Variants in MYO9B observed in about 807,000 individuals in gnomAD.
MYO9B encodes the protein unconventional myosin-IXb.
A neutral mutation model predicts 229.5 loss-of-function variants in MYO9B; 71 were observed. That is an observed-to-expected ratio of 0.31 (90% CI 0.26 to 0.38). The LOEUF is 0.38. Among genes scored for constraint, MYO9B ranks in the 10% least tolerant of loss-of-function variants. The probability of loss-of-function intolerance (pLI) is 1.00; values close to 1 mark genes in which losing one functional copy is unlikely to be tolerated. For missense variants in MYO9B, 2,255 were observed against 2,920.5 expected (o/e 0.77, Z 5.25); for synonymous variants, 1,185 against 1,235.8 (o/e 0.96, Z 0.86).
rs554698257 is a variant in MYO9B, at chr19:17,211,713, G to C, written c.5997G>C (p.Ser1999=). The change falls in exon 39 of 40, where the codon TCG becomes TCC. Residue 1999 remains serine (S), a synonymous_variant. Coordinates refer to ENST00000682292, the MANE Select transcript of MYO9B (RefSeq NM_004145.4). ...PRGSDEENLD[S]ETSASTESLL... is the part of the protein sequence containing the mutation. ...GCTCGGACGAGGAGAACCTGGACTC[G>C]GAGACGTCGGCCAGCACCGAGAGCC... is the stretch of plus-strand genomic sequence containing the variant. 1 of 1,612,554 alleles carries C rather than the reference G, an allele frequency of 6.2e-7. No individual in the cohort carries two copies. The highest frequency in any genetic ancestry group is 8.5e-7 in the Non-Finnish European group (1 of 1,179,694).
chr19:17,115,842 C>T (rs2057897703), intron 2 of MYO9B, among the ~76,000 whole-genome samples: 1 of 151,876 alleles, frequency 6.6e-6, no homozygotes, highest in South Asian at 2.1e-4. Context: ...CATCCTAGAT[C>T]CAGACAGCCC....
chr19:17,131,029 C>G (rs1568265484), intron 2 of MYO9B, among the ~76,000 whole-genome samples: 1 of 152,172 alleles, frequency 6.6e-6, no homozygotes, highest in Non-Finnish European at 1.5e-5. Context: ...CAGGTACTAT[C>G]TGATCACCCT....
At chr19:17,109,450 C>G (rs575116606) in intron 2 of MYO9B, among the ~76,000 whole-genome samples, 2 of 152,292 alleles carry the variant, frequency 1.3e-5, no homozygotes, top group Middle Eastern at 3.4e-3. Flanking sequence ...CATCTCTAAT[C>G]CCTCACGGCA....
intron 1 of MYO9B, among the ~76,000 whole-genome samples, chr19:17,087,868 T>A (rs2057598182): frequency 6.7e-6 from 1 of 149,116 alleles, no homozygotes; most frequent in Non-Finnish European, 1.5e-5. Flanking sequence ...AGGCGGAGGT[T>A]GCAGTGAGCC....
chr19:17,103,254 C>G (rs11666568), intron 2 of MYO9B: 7,351 of 152,158 alleles, frequency 0.048, 206 homozygotes, highest in Middle Eastern at 0.092. Flanking sequence ...TGTTATTATT[C>G]AGGTACTGCG....
intron 16 of MYO9B, chr19:17,184,643 T>G (rs1384619899): frequency 2.0e-6 from 1 of 506,094 alleles, no homozygotes; most frequent in African/African-American, 1.9e-5. Flanking sequence ...AAAGAGGCTG[T>G]CATCAGCCCT....
chr19:17,129,725 C>G (rs1323305452), intron 2 of MYO9B, among the ~76,000 whole-genome samples: 1 of 152,202 alleles, frequency 6.6e-6, no homozygotes, highest in African/African-American at 2.4e-5. Flanking sequence ...GTATATGCCC[C>G]TAGTGGGCCA....
intron 1 of MYO9B, among the ~76,000 whole-genome samples, chr19:17,079,841 G>T (rs1214336497): frequency 6.6e-6 from 1 of 152,178 alleles, no homozygotes; most frequent in Admixed American, 6.5e-5. Context: ...GCCCCAGGCG[G>T]CCTCTCGGCA....
chr19:17,138,799 C>T (rs781329527), intron 2 of MYO9B, among the ~76,000 whole-genome samples: 1 of 152,162 alleles, frequency 6.6e-6, no homozygotes, highest in Non-Finnish European at 1.5e-5. Context: ...CTACACACTT[C>T]GGCTGTAGGT....
rs554698257 is a variant in MYO9B at position 17,211,713 on chromosome 19, G to T, written c.5997G>T (p.Ser1999=). The T allele has an allele frequency of 1.2e-6, 2 of 1,612,672 alleles. No individual in the cohort carries two copies. The highest frequency in any genetic ancestry group is 1.7e-5 in the Admixed American group (1 of 59,868). ...GCTCGGACGAGGAGAACCTGGACTCGGAGACGTCGGCCAGCACCGAGAGCC... is the reference window on the plus strand; with the variant it reads ...GCTCGGACGAGGAGAACCTGGACTCTGAGACGTCGGCCAGCACCGAGAGCC... ...PRGSDEENLD[S]ETSASTESLL... The change falls in exon 39 of 40, where the codon TCG becomes TCT. Residue 1999 remains serine, a synonymous_variant. Transcript: ENST00000682292.
In MYO9B at chr19:17,184,876, C is replaced by T. The variant is rs772286551; in HGVS notation, c.2385C>T (p.Asp795=). Residue 795 remains aspartate (D), a synonymous_variant, in exon 17 of 40, where the codon GAC becomes GAT. Coordinates refer to ENST00000682292, the MANE Select transcript of MYO9B (RefSeq NM_004145.4). ...QKQIIPKNLL[D]SKSLKLIISM... Reference sequence around the variant, plus strand: ...TGTGTCTGTCCTAGAACCTACTGGACTCCAAGTCCCTGAAACTCATCATCA... The same window carrying T: ...TGTGTCTGTCCTAGAACCTACTGGATTCCAAGTCCCTGAAACTCATCATCA... The T allele has an allele frequency of 5.6e-6, 9 of 1,613,898 alleles. No individual in the cohort carries two copies. Among genetic ancestry groups the T allele is most frequent in the South Asian group, 1.1e-5 (1 of 91,088 alleles).
intron 2 of MYO9B, chr19:17,103,321 TCC>T (rs1167443213): frequency 6.6e-6 from 1 of 152,066 alleles, no homozygotes; most frequent in Non-Finnish European, 1.5e-5. Flanking sequence ...TACTCACAGT[TCC>T]CGAAAGAAGA....
chr19:17,084,767 T>C (rs1357447109), intron 1 of MYO9B, among the ~76,000 whole-genome samples: 1 of 150,866 alleles, frequency 6.6e-6, no homozygotes, highest in Non-Finnish European at 1.5e-5. Flanking sequence ...TAGCCAGGTA[T>C]GGTGTGGTGC....
At chr19:17,152,090 G>A (rs983811867) in intron 3 of MYO9B, among the ~76,000 whole-genome samples, 1 of 152,034 alleles carries the variant, frequency 6.6e-6, no homozygotes, top group African/African-American at 2.4e-5. Flanking sequence ...AGGAGGCTGA[G>A]GCAGGAGAAT....
At chr19:17,079,388 G>A (rs1362127239) in intron 1 of MYO9B, among the ~76,000 whole-genome samples, 1 of 152,202 alleles carries the variant, frequency 6.6e-6, no homozygotes, top group African/African-American at 2.4e-5. Context: ...AGGGTGGACA[G>A]CGGGTGCCCT....
At chr19:17,133,048 A>G (rs981318858) in intron 2 of MYO9B, among the ~76,000 whole-genome samples, 9 of 151,654 alleles carry the variant, frequency 5.9e-5, no homozygotes, top group Non-Finnish European at 1.3e-4. Context: ...GGGTTTCACC[A>G]TGATAGCCAG....
intron 2 of MYO9B, among the ~76,000 whole-genome samples, chr19:17,121,463 A>ATATATATATATATATATATC (rs1030275525): frequency 5.1e-4 from 77 of 149,992 alleles, no homozygotes; most frequent in African/African-American, 1.8e-3. Context: ...ATATATATAT[A>ATATATATATATATATATATC]TCCAAGAGCT....
chr19:17,079,481 G>T (rs571674543), intron 1 of MYO9B, among the ~76,000 whole-genome samples: 1 of 152,316 alleles, frequency 6.6e-6, no homozygotes, highest in Non-Finnish European at 1.5e-5. Context: ...TTTCTTCTGA[G>T]ATTAGAGGTA....
At chr19:17,166,529 T>C (rs2072661513) in intron 10 of MYO9B, among the ~76,000 whole-genome samples, 1 of 151,922 alleles carries the variant, frequency 6.6e-6, no homozygotes, top group Non-Finnish European at 1.5e-5. Context: ...AGTTCAGGGG[T>C]ACATGTGCAG....
Sources: allele counts gnomAD v4.1 joint callset (sites outside exome capture counted in the v4.1 genomes callset), GRCh38; gene constraint gnomAD v4.1.1; transcripts MANE v1.5; gene names NCBI Gene and HGNC (gene_info 2026-07-23, HGNC 2026-07-21).